GREB1: variants seen among roughly 807,000 people sequenced by gnomAD.
The protein encoded by GREB1 is growth regulating estrogen receptor binding 1, also known as protein GREB1.
A neutral mutation model predicts 200.7 loss-of-function variants in GREB1; 106 were observed. The observed-to-expected ratio is 0.53, with a 90% CI of 0.45 to 0.62. The LOEUF (loss-of-function observed/expected upper bound fraction) is 0.62, where lower values mean the gene tolerates loss of function less well. Ranked by LOEUF, GREB1 falls within the 20% of genes least tolerant of loss-of-function variation. The probability of loss-of-function intolerance (pLI) is 0.00; values close to 1 mark genes in which losing one functional copy is unlikely to be tolerated. For synonymous variants in GREB1, 1,132 were observed against 1,092.4 expected (o/e 1.04, Z -0.72); for missense variants, 2,243 against 2,556.8 (o/e 0.88, Z 2.65).
rs752236984 is a variant in GREB1 at position 11,610,844 on chromosome 2, G to A, written c.2823G>A (p.Gln941=). 11 of 1,613,288 alleles carry A rather than the reference G, an allele frequency of 6.8e-6. No individual in the cohort carries two copies. The highest frequency in any genetic ancestry group is 9.3e-6 in the Non-Finnish European group (11 of 1,179,954). ...AGAACCTCCTCAACTCCCCGAAGCA[G>A]TGCCCCTGCGGCCACGGGCTCATGG... ...ITQNLLNSPK[Q]CPCGHGLMVL... The change falls in exon 18 of 33, where the codon CAG becomes CAA. Residue 941 remains glutamine (Q), a synonymous_variant. Transcript: ENST00000381486.
intron 29 of GREB1, 99 bp from the exon 30 acceptor site, chr2:11,635,170 AG>A (rs111631311): frequency 0.053 from 74,724 of 1,402,746 alleles, 2,181 homozygotes; most frequent in African/African-American, 0.085. Context: ...CCACCTTCAT[AG>A]CCCCCTACGA....
At chr2:11,630,493 G>T (rs1041215962) in intron 26 of GREB1, among the ~76,000 whole-genome samples, 2 of 152,138 alleles carry the variant, frequency 1.3e-5, no homozygotes, top group Admixed American at 1.3e-4. Flanking sequence ...TTTCTTGAAT[G>T]CTCTGCCAGG....
intron 1 of GREB1, among the ~76,000 whole-genome samples, chr2:11,483,162 CTGCCGT>C: frequency 6.6e-6 from 1 of 152,014 alleles, no homozygotes; most frequent in Non-Finnish European, 1.5e-5. Context: ...GGTGCTGCCG[CTGCCGT>C]GCGCTTGTGC....
rs376224076 is a variant in GREB1 at position 11,633,042 on chromosome 2, A to C, written c.4970A>C (p.Asn1657Thr). 2 of 1,614,020 alleles carry C rather than the reference A, an allele frequency of 1.2e-6. No homozygotes were observed. Among genetic ancestry groups the C allele is most frequent in the South Asian group, 1.1e-5 (1 of 91,068 alleles). The change falls in exon 28 of 33, where the codon AAC becomes ACC. Residue 1657 changes from asparagine (N) to threonine (T), a missense_variant. Asn to Thr is a moderately conservative substitution (Grantham distance 65). Around this residue, in one of 3 missense-constraint regions of GREB1, gnomAD observed 478 missense variants for 616.3 expected, o/e 0.78. Transcript: ENST00000381486. The surrounding 1 kb of genome is among the most constrained non-coding windows in gnomAD (Gnocchi z 4.1). ...GTGATGTGGAACGTGGTGGATGTCA[A>C]CTCTGCTGGGGAGAGAAGCAGGTGA... The part of the protein sequence containing the change: ...SCVMWNVVDV[N>T]SAGERSREFS...
chr2:11,601,020 C>T (rs1244321629), intron 16 of GREB1, 25 bp downstream of exon 16: 2 of 1,582,318 alleles, frequency 1.3e-6, no homozygotes, highest in East Asian at 2.3e-5. Context: ...GCTGCTGGGC[C>T]CTTGTGTAGC....
intron 1 of GREB1, among the ~76,000 whole-genome samples, chr2:11,511,936 G>A (rs777093238): frequency 3.9e-5 from 6 of 152,010 alleles, no homozygotes; most frequent in East Asian, 3.9e-4. Flanking sequence ...ACCACCCACC[G>A]CCCCTTTCCT....
rs1672578695 is a variant in GREB1 at position 11,483,750 on chromosome 2, C to T, written c.-159+1369C>T. Among the ~76,000 whole-genome samples, 5 of 150,930 alleles carry T rather than the reference C, an allele frequency of 3.3e-5. No homozygotes were observed. In the South Asian group the frequency reaches 1.1e-3, roughly 32 times the overall value. ...TGTGTGTGTGGCCCGGCCACCAGGGCGCCGGCAGCTGGAGACTGGGAGAGC... is the reference window on the plus strand; with the variant it reads ...TGTGTGTGTGGCCCGGCCACCAGGGTGCCGGCAGCTGGAGACTGGGAGAGC... On this transcript the variant is annotated intron_variant, in intron 1 of 2. Transcript: ENST00000628795.
intron 15 of GREB1, among the ~76,000 whole-genome samples, chr2:11,599,211 C>G (rs1474151121): frequency 6.6e-6 from 1 of 152,098 alleles, no homozygotes; most frequent in Non-Finnish European, 1.5e-5. Context: ...CACTCAGCAA[C>G]AAGGAGCCAT....
chr2:11,531,641 G>A (rs1178307869), upstream of GREB1, among the ~76,000 whole-genome samples: 1 of 151,970 alleles, frequency 6.6e-6, no homozygotes, highest in Non-Finnish European at 1.5e-5. Context: ...CACCATCTTG[G>A]CTCACTGCAA....
Position 11,618,167 on chromosome 2 carries a change from T to TCCTGGGACAGGTCACTCCTGGGATGGGC in GREB1, c.3413-121_3413-120insCCTGGGACAGGTCACTCCTGGGATGGGC, listed in dbSNP as rs1683614612. Reference sequence around the variant, plus strand: ...TGGGACAGGTCACTCCTGGGATGGGTGACTCCTGGGACAGGTCACTCCTGG... The same window carrying TCCTGGGACAGGTCACTCCTGGGATGGGC: ...TGGGACAGGTCACTCCTGGGATGGGTCCTGGGACAGGTCACTCCTGGGATGGGCGACTCCTGGGACAGGTCACTCCTGG... On this transcript the variant is annotated intron_variant, in intron 21 of 32. Transcript: ENST00000381486. 11 of 676,488 alleles carry TCCTGGGACAGGTCACTCCTGGGATGGGC rather than the reference T, an allele frequency of 1.6e-5. No individual in the cohort carries two copies. In the East Asian group the frequency reaches 7.2e-4, roughly 44 times the overall value. The allele number at this position is 676,488 out of a possible 1,614,324, so 41.9% of individuals were successfully genotyped here.
rs968959814 is a variant in GREB1, at chr2:11,580,486, A to G, written c.773-218A>G. ...TCCTTGTGTGTAGGCAGAAGTGTGT[A>G]TGTGTGTACACGTGCATGGGGGTGT... On this transcript the variant is annotated intron_variant, in intron 6 of 32. Transcript: ENST00000381486. This position sits in a 1 kb window ranked among gnomAD's most constrained non-coding sequence, Gnocchi z 4.5. Among the ~76,000 whole-genome samples the G allele has an allele frequency of 1.3e-5, 2 of 152,002 alleles. No individual in the cohort carries two copies. Among genetic ancestry groups the G allele is most frequent in the African/African-American group, 4.8e-5 (2 of 41,376 alleles).
rs1684516044 is a variant in GREB1 at position 11,627,007 on chromosome 2, A to G, written c.4352A>G (p.Gln1451Arg). 3 of 1,614,160 alleles carry G rather than the reference A, an allele frequency of 1.9e-6. No homozygotes were observed. Among genetic ancestry groups the G allele is most frequent in the Middle Eastern group, 3.3e-4 (2 of 6,062 alleles). The change falls in exon 25 of 33, where the codon CAG becomes CGG. Residue 1451 changes from glutamine to arginine, a missense_variant. Physicochemically the swap from Gln to Arg is conservative, Grantham distance 43. This residue lies in a region of GREB1 where 587 missense variants were observed against 553.1 expected (regional missense o/e 1.06). Transcript: ENST00000381486. ...CCGGAGGACCTTTATGTGCGGCGTCAGACGGCACGGATGAGACTGTCCAAG... is the reference window on the plus strand; with the variant it reads ...CCGGAGGACCTTTATGTGCGGCGTCGGACGGCACGGATGAGACTGTCCAAG... Reference protein sequence around the residue: ...RKPEDLYVRRQTARMRLSKYA... With the variant: ...RKPEDLYVRRRTARMRLSKYA...
intron 4 of GREB1, among the ~76,000 whole-genome samples, chr2:11,572,180 G>A (rs1678379100): frequency 6.6e-6 from 1 of 152,248 alleles, no homozygotes; most frequent in South Asian, 2.1e-4. Context: ...GTGGCCTAGA[G>A]TAAGGCCCTT....
Position 11,615,221 on chromosome 2 carries a change from G to C in GREB1, c.3253G>C (p.Glu1085Gln), listed in dbSNP as rs201040158. The C allele has an allele frequency of 1.9e-5, 30 of 1,613,306 alleles. No homozygotes were observed. In the Admixed American group the frequency reaches 5.0e-4, roughly 27 times the overall value. ...TCCCTTGGAGAAGGGGGCTAGGAAC[G>C]AGGCCTTGGAGAGTGATGCTGAGAA... is the stretch of plus-strand genomic sequence containing the variant. ...EVPLEKGARN[E>Q]ALESDAEKLS... is the part of the protein sequence containing the mutation. Residue 1085 changes from glutamate (E) to glutamine (Q), a missense_variant, in exon 20 of 33, where the codon GAG becomes CAG. Physicochemically the swap from Glu to Gln is conservative, Grantham distance 29 (BLOSUM62 2). Coordinates refer to ENST00000381486, the MANE Select transcript of GREB1 (RefSeq NM_014668.4).
Position 11,492,944 on chromosome 2 carries a change from C to A in GREB1, c.-159+10563C>A, listed in dbSNP as rs1672803448. ...AGTAATGCAAACCAGCAAGACTAGG[C>A]TTAAACAATGGGAGCTGAGGCTCAG... On this transcript the variant is annotated intron_variant, in intron 1 of 2. Coordinates refer to the GREB1 transcript ENST00000628795. This position sits in a 1 kb window ranked among gnomAD's most constrained non-coding sequence, Gnocchi z 4.0. Among the ~76,000 whole-genome samples, 1 of 152,206 alleles carries A rather than the reference C, an allele frequency of 6.6e-6. No individual in the cohort carries two copies. The highest frequency in any genetic ancestry group is 2.1e-4 in the South Asian group (1 of 4,832).
chr2:11,508,874 T>TC (rs1491484803), intron 1 of GREB1, among the ~76,000 whole-genome samples: 9 of 128,134 alleles, frequency 7.0e-5, no homozygotes, highest in Non-Finnish European at 1.3e-4. Flanking sequence ...TCTTTCTCTC[T>TC]TTTTTTTTTT....
At chr2:11,624,979 T>G (rs1684321293) in intron 23 of GREB1, among the ~76,000 whole-genome samples, 175 bp from the exon 24 acceptor site, 1 of 152,170 alleles carries the variant, frequency 6.6e-6, no homozygotes, top group African/African-American at 2.4e-5. Context: ...CATCCTAGTG[T>G]GTAGCAGGCT....
At chr2:11,486,104 C>T (rs1025941387) in intron 1 of GREB1, among the ~76,000 whole-genome samples, 1 of 152,074 alleles carries the variant, frequency 6.6e-6, no homozygotes, top group African/African-American at 2.4e-5. Flanking sequence ...TTAGGGCTTT[C>T]GAGGGGGCAA....
rs1672799807 is a variant in GREB1 at position 11,492,766 on chromosome 2, G to A, written c.-159+10385G>A. Reference sequence around the variant, plus strand: ...TCACACTGAAGGCCTCCTGGGGAGGGAACTGCAATGAGAAGGTGACCCCTA... The same window carrying A: ...TCACACTGAAGGCCTCCTGGGGAGGAAACTGCAATGAGAAGGTGACCCCTA... On this transcript the variant is annotated intron_variant, in intron 1 of 2. Transcript: ENST00000628795. The surrounding 1 kb of genome is among the most constrained non-coding windows in gnomAD (Gnocchi z 4.0). Among the ~76,000 whole-genome samples the A allele has an allele frequency of 6.6e-6, 1 of 152,210 alleles. No homozygotes were observed. Among genetic ancestry groups the A allele is most frequent in the East Asian group, 1.9e-4 (1 of 5,198 alleles).
Sources: gnomAD v4.1 joint callset for allele counts (sites outside exome capture counted in the v4.1 genomes callset) on GRCh38, gnomAD v4.1.1 for gene constraint, gnomAD v4.1.1 regional missense constraint, Gnocchi (gnomAD v3.1) non-coding constraint, MANE v1.5 for transcripts, NCBI Gene and HGNC (gene_info 2026-07-23, HGNC 2026-07-21) for gene names.